The following FER variants were observed in gnomAD, a reference collection of about 807,000 sequenced individuals.
FER encodes FER tyrosine kinase.
A neutral mutation model predicts 111.0 loss-of-function variants in FER; 63 were observed. The ratio of observed to expected loss-of-function variants is 0.57; its 90% confidence interval spans 0.46 to 0.70. The LOEUF is 0.70. FER is among the 30% of genes least tolerant of loss of function. The probability of loss-of-function intolerance (pLI) is 0.00; values close to 1 mark genes in which losing one functional copy is unlikely to be tolerated. For synonymous variants in FER, 327 were observed against 313.9 expected, an observed-to-expected ratio of 1.04 and a Z score of -0.44; for missense variants, 914 against 954.0, an observed-to-expected ratio of 0.96 and a Z score of 0.55.
intron 17 of FER, among the ~76,000 whole-genome samples, chr5:109,116,537 A>T (rs933027846): frequency 6.6e-6 from 1 of 152,098 alleles, no homozygotes; most frequent in Non-Finnish European, 1.5e-5. Flanking sequence ...GGAATCAATG[A>T]TTCTTTCAGT....
chr5:109,067,596 ATTC>A (rs1561852001), intron 16 of FER, among the ~76,000 whole-genome samples: 1 of 151,978 alleles, frequency 6.6e-6, no homozygotes, highest in Non-Finnish European at 1.5e-5. Context: ...GATTTAATCT[ATTC>A]TTTTAGCTTG....
intron 2 of FER, chr5:108,784,014 G>A (rs1754384035): frequency 6.6e-6 from 1 of 152,626 alleles, no homozygotes; most frequent in Non-Finnish European, 1.5e-5. Flanking sequence ...TGAGGTTCTT[G>A]ACTGGTTCCT....
At chr5:109,184,075 C>A (rs983127231) in intron 18 of FER, among the ~76,000 whole-genome samples, 3 of 152,118 alleles carry the variant, frequency 2.0e-5, no homozygotes, top group African/African-American at 7.2e-5. Context: ...ACAGCTGTCA[C>A]CAAAGGTACT....
intron 13 of FER, among the ~76,000 whole-genome samples, chr5:108,967,758 T>TGAAAAAAAAAAAAAAAA: frequency 2.7e-5 from 1 of 36,422 alleles, no homozygotes; most frequent in Non-Finnish European, 4.5e-5. Flanking sequence ...AGACTCCGTC[T>TGAAAAAAAAAAAAAAAA]CAAAAAAAAA....
chr5:108,832,649 A>G (rs546569894), intron 3 of FER, 121 bp from the exon 4 acceptor site: 2 of 665,174 alleles, frequency 3.0e-6, no homozygotes, highest in Admixed American at 4.1e-5. Flanking sequence ...CCAGAAACCT[A>G]TTTTTTATAT....
intron 16 of FER, among the ~76,000 whole-genome samples, chr5:109,062,647 A>G (rs941615895): frequency 2.6e-5 from 4 of 152,170 alleles, no homozygotes; most frequent in African/African-American, 9.7e-5. Flanking sequence ...AGATGCCGTG[A>G]TGAATAGGAG....
chr5:109,123,092 C>T (rs1751203145), intron 17 of FER, among the ~76,000 whole-genome samples: 1 of 151,060 alleles, frequency 6.6e-6, no homozygotes, highest in Non-Finnish European at 1.5e-5. Context: ...TAAGGACTTA[C>T]TCCTGCCATT....
chr5:109,185,667 TTAAAC>T (rs1466597075), intron 18 of FER, among the ~76,000 whole-genome samples: 1 of 152,138 alleles, frequency 6.6e-6, no homozygotes, highest in African/African-American at 2.4e-5. Context: ...GCTAGTTTGA[TTAAAC>T]TAGCAGCCTG....
chr5:108,951,028 T>G lies in FER; in HGVS notation c.1330-3701T>G, dbSNP rs370537707. On this transcript the variant is annotated intron_variant, in intron 11 of 19. Transcript: ENST00000281092. Reference sequence around the variant, plus strand: ...GCTCACACCTGTAATCTCAGCACTTTGGGAGGCTCGGGCAGGCGGATCATG... The same window carrying G: ...GCTCACACCTGTAATCTCAGCACTTGGGGAGGCTCGGGCAGGCGGATCATG... 9.9e-5 allele frequency among the ~76,000 whole-genome samples: 15 copies of G among 152,082 alleles called. No homozygotes were observed. The South Asian group carries it at 2.3e-3, about 23-fold the overall frequency.
At chr5:109,009,948 T>C (rs919491191) in intron 13 of FER, among the ~76,000 whole-genome samples, 1 of 152,146 alleles carries the variant, frequency 6.6e-6, no homozygotes, top group Non-Finnish European at 1.5e-5. Context: ...AATTTTGTAA[T>C]TTCCACAGTG....
chr5:109,083,549 TTCCTC>T (rs1581952819), intron 16 of FER, among the ~76,000 whole-genome samples: 1 of 152,082 alleles, frequency 6.6e-6, no homozygotes, highest in East Asian at 1.9e-4. Flanking sequence ...ATTTGCGACA[TTCCTC>T]TAATCTAATT....
chr5:109,135,166 T>C (rs189752943), intron 17 of FER, among the ~76,000 whole-genome samples: 113 of 152,262 alleles, frequency 7.4e-4, no homozygotes, highest in Non-Finnish European at 1.4e-3. Flanking sequence ...GGGGAAATGG[T>C]TGGAGATAAA....
intron 16 of FER, among the ~76,000 whole-genome samples, chr5:109,087,883 A>G (rs932511950): frequency 1.3e-5 from 2 of 151,870 alleles, no homozygotes; most frequent in African/African-American, 4.8e-5. Flanking sequence ...TATTACCTGA[A>G]TTTCTGTCCC....
intron 9 of FER, among the ~76,000 whole-genome samples, chr5:108,887,633 G>T (rs939259761): frequency 6.6e-6 from 1 of 151,532 alleles, no homozygotes; most frequent in Non-Finnish European, 1.5e-5. Context: ...AATGTACTTC[G>T]TGCATTTAGT....
chr5:108,884,163 T>C (rs1327325529), intron 9 of FER, among the ~76,000 whole-genome samples: 1 of 152,064 alleles, frequency 6.6e-6, no homozygotes, highest in Admixed American at 6.6e-5. Context: ...GTGGTTTTTC[T>C]AATCCTGACT....
At chr5:109,051,148 C>G (rs533063400) in intron 16 of FER, among the ~76,000 whole-genome samples, 15 of 152,202 alleles carry the variant, frequency 9.9e-5, no homozygotes, top group Non-Finnish European at 1.9e-4. Flanking sequence ...CCATACACCC[C>G]CAGTGAACCT....
intron 11 of FER, among the ~76,000 whole-genome samples, chr5:108,948,943 A>G (rs1345168738): frequency 6.6e-6 from 1 of 152,144 alleles, no homozygotes; most frequent in Admixed American, 6.6e-5. Context: ...TAAATTATTC[A>G]ACAGCAGTCT....
At chr5:109,061,904 A>G (rs1396104526) in intron 16 of FER, among the ~76,000 whole-genome samples, 1 of 152,214 alleles carries the variant, frequency 6.6e-6, no homozygotes, top group Admixed American at 6.5e-5. Flanking sequence ...TAAATCCAAA[A>G]TATGTTTTAA....
intron 9 of FER, among the ~76,000 whole-genome samples, chr5:108,887,087 C>G (rs1747288998): frequency 6.6e-6 from 1 of 151,546 alleles, no homozygotes; most frequent in African/African-American, 2.4e-5. Flanking sequence ...CTTACATTAT[C>G]TTTACTTCTC....
Sources: allele counts gnomAD v4.1 joint callset (sites outside exome capture counted in the v4.1 genomes callset), GRCh38; gene constraint gnomAD v4.1.1; transcripts MANE v1.5; gene names NCBI Gene and HGNC (gene_info 2026-07-23, HGNC 2026-07-21).